Variants in RSRC1 observed in about 807,000 individuals in gnomAD.
RSRC1 encodes the protein serine/Arginine-related protein 53.
Under a neutral mutation model 49.1 loss-of-function variants are expected in RSRC1, and 39 were observed. That is an observed-to-expected ratio of 0.79 (90% CI 0.61 to 1.04). The LOEUF (loss-of-function observed/expected upper bound fraction) is 1.04. RSRC1 is among the 50% of genes least tolerant of loss of function. The pLI is 0.00. For synonymous variants in RSRC1, 143 were observed against 130.8 expected (o/e 1.09, Z -0.63); for missense variants, 388 against 402.4 (o/e 0.96, Z 0.31).
intron 6 of RSRC1, among the ~76,000 whole-genome samples, chr3:158,450,331 C>CTTTTTTTTTTTTT (rs57318071): frequency 1.6e-5 from 2 of 127,304 alleles, no homozygotes; most frequent in Non-Finnish European, 3.4e-5. Context: ...TTCTTTTTTG[C>CTTTTTTTTTTTTT]TTTTTTTTTT....
intron 3 of RSRC1, among the ~76,000 whole-genome samples, chr3:158,175,027 G>C (rs979359987): frequency 1.3e-5 from 2 of 152,054 alleles, no homozygotes; most frequent in Non-Finnish European, 2.9e-5. Flanking sequence ...TGGGCATATA[G>C]TACTATCCCT....
chr3:158,136,003 A>T (rs1388195826), intron 3 of RSRC1, among the ~76,000 whole-genome samples: 1 of 152,228 alleles, frequency 6.6e-6, no homozygotes, highest in Non-Finnish European at 1.5e-5. Context: ...TCAAGGAAAC[A>T]TGGATATGCA....
At chr3:158,436,663 T>C (rs1736058267) in intron 6 of RSRC1, among the ~76,000 whole-genome samples, 1 of 151,962 alleles carries the variant, frequency 6.6e-6, no homozygotes, top group Non-Finnish European at 1.5e-5. Flanking sequence ...GTACAAATTA[T>C]ATCATAAATA....
intron 4 of RSRC1, among the ~76,000 whole-genome samples, chr3:158,223,899 G>A (rs1457164653): frequency 1.3e-5 from 2 of 151,522 alleles, no homozygotes; most frequent in Non-Finnish European, 3.0e-5. Context: ...TCATTATTTA[G>A]TTTTTACTTC....
At chr3:158,453,336 A>C (rs1737149477) in intron 6 of RSRC1, among the ~76,000 whole-genome samples, 1 of 148,766 alleles carries the variant, frequency 6.7e-6, no homozygotes, top group Admixed American at 6.7e-5. Context: ...GGGTATATGT[A>C]TTTTCAATTT....
intron 4 of RSRC1, among the ~76,000 whole-genome samples, chr3:158,252,323 G>A (rs566922908): frequency 1.0e-4 from 13 of 129,724 alleles, no homozygotes; most frequent in South Asian, 7.0e-4. Flanking sequence ...CACCACGCCC[G>A]GCTAATTTTT....
chr3:158,398,888 G>T (rs183063588), intron 6 of RSRC1, among the ~76,000 whole-genome samples: 11 of 152,032 alleles, frequency 7.2e-5, no homozygotes, highest in African/African-American at 2.7e-4. Context: ...GTGGTATATT[G>T]TTGGTTGAAA....
intron 3 of RSRC1, among the ~76,000 whole-genome samples, chr3:158,176,696 G>C (rs1044362415): frequency 1.3e-5 from 2 of 152,122 alleles, no homozygotes; most frequent in Non-Finnish European, 2.9e-5. Context: ...AAAAACCCTA[G>C]AAGAAAACCT....
chr3:158,111,243 A>G (rs559393112), intron 1 of RSRC1, among the ~76,000 whole-genome samples: 1 of 152,360 alleles, frequency 6.6e-6, no homozygotes, highest in South Asian at 2.1e-4. Context: ...CTTAGAGTTT[A>G]TAAATATTCA....
chr3:158,335,029 T>C (rs1729806088), intron 5 of RSRC1, among the ~76,000 whole-genome samples: 1 of 152,172 alleles, frequency 6.6e-6, no homozygotes, highest in Non-Finnish European at 1.5e-5. Context: ...TTTCACATAA[T>C]GCTGTTTCCT....
At chr3:158,339,904 A>G (rs1311872573) in intron 5 of RSRC1, among the ~76,000 whole-genome samples, 1 of 152,238 alleles carries the variant, frequency 6.6e-6, no homozygotes, top group Non-Finnish European at 1.5e-5. Context: ...CATCAGGAAG[A>G]GAGTTAGGGA....
At chr3:158,213,176 G>A (rs1376145492) in intron 4 of RSRC1, among the ~76,000 whole-genome samples, 2 of 151,824 alleles carry the variant, frequency 1.3e-5, no homozygotes, top group African/African-American at 4.8e-5. Flanking sequence ...GTTTTAAAGT[G>A]CCTGGTTTAA....
chr3:158,125,638 C>T (rs1173589700), intron 3 of RSRC1, among the ~76,000 whole-genome samples: 1 of 152,146 alleles, frequency 6.6e-6, no homozygotes, highest in Admixed American at 6.6e-5. Context: ...TGTGGCCTAA[C>T]ATGAAATCTG....
chr3:158,337,458 C>T (rs1729981259), intron 5 of RSRC1, among the ~76,000 whole-genome samples: 1 of 152,128 alleles, frequency 6.6e-6, no homozygotes, highest in Non-Finnish European at 1.5e-5. Flanking sequence ...GGCGCATGGC[C>T]CTTGCTTCTT....
chr3:158,210,383 T>C (rs191995479), intron 4 of RSRC1, among the ~76,000 whole-genome samples: 1 of 151,904 alleles, frequency 6.6e-6, no homozygotes, highest in Admixed American at 6.6e-5. Flanking sequence ...TGTAAAGAGA[T>C]CTTGTTGCCT....
intron 4 of RSRC1, among the ~76,000 whole-genome samples, chr3:158,248,638 C>T (rs1344469124): frequency 1.3e-5 from 2 of 150,964 alleles, no homozygotes; most frequent in African/African-American, 4.9e-5. Context: ...CACTCTGTCT[C>T]CCAGGCTGGA....
At chr3:158,278,154 A>G (rs1003502698) in intron 4 of RSRC1, among the ~76,000 whole-genome samples, 3 of 152,248 alleles carry the variant, frequency 2.0e-5, no homozygotes, top group African/African-American at 7.2e-5. Context: ...TGTCAAAAAA[A>G]TCATACAACC....
intron 3 of RSRC1, among the ~76,000 whole-genome samples, chr3:158,151,433 C>T (rs1190180337): frequency 1.3e-5 from 2 of 152,214 alleles, no homozygotes; most frequent in African/African-American, 2.4e-5. Flanking sequence ...GAGGATCTTG[C>T]GACTTGCTTC....
chr3:158,380,158 A>G (rs1348980438), intron 6 of RSRC1, among the ~76,000 whole-genome samples: 1 of 152,236 alleles, frequency 6.6e-6, no homozygotes, highest in Non-Finnish European at 1.5e-5. Context: ...GAATGAACTA[A>G]CAGAAGAAGC....
Sources: gnomAD v4.1 joint callset for allele counts (sites outside exome capture counted in the v4.1 genomes callset) on GRCh38, gnomAD v4.1.1 for gene constraint, MANE v1.5 for transcripts, NCBI Gene and HGNC (gene_info 2026-07-23, HGNC 2026-07-21) for gene names.